GALNT14: variants seen among roughly 807,000 people sequenced by gnomAD.
GALNT14 encodes the protein polypeptide N-acetylgalactosaminyltransferase 14, also known as UDP-GalNAc:polypeptide N-acetylgalactosaminyltransferase 14.
Under a neutral mutation model 77.5 loss-of-function variants are expected in GALNT14, and 60 were observed. That is an observed-to-expected ratio of 0.77 (90% CI 0.63 to 0.96). The LOEUF is 0.96. GALNT14 is among the 40% of genes least tolerant of loss of function. The pLI, the probability that GALNT14 is intolerant of heterozygous loss-of-function variation, is 0.00. For synonymous variants in GALNT14, 280 were observed against 281.7 expected (o/e 0.99, Z 0.06); for missense variants, 710 against 731.0 (o/e 0.97, Z 0.33).
intron 13 of GALNT14, among the ~76,000 whole-genome samples, chr2:30,915,688 C>G (rs1181427478): frequency 3.8e-4 from 58 of 152,174 alleles, no homozygotes; most frequent in Non-Finnish European, 1.5e-4. Context: ...GAGTGCTGGG[C>G]CCTCTGCTGG....
chr2:31,112,321 AG>A (rs1447373084), intron 1 of GALNT14, among the ~76,000 whole-genome samples: 2 of 152,224 alleles, frequency 1.3e-5, no homozygotes, highest in Non-Finnish European at 1.5e-5. Context: ...CCTCCTGATC[AG>A]CTTGTGAGAC....
At chr2:31,114,983 A>C (rs1228190567) in intron 1 of GALNT14, among the ~76,000 whole-genome samples, 2 of 152,230 alleles carry the variant, frequency 1.3e-5, no homozygotes. Context: ...ACAGTGGCTC[A>C]TGCCTGTAAT....
chr2:31,022,791 T>C (rs1671802231), intron 1 of GALNT14, among the ~76,000 whole-genome samples: 1 of 152,212 alleles, frequency 6.6e-6, no homozygotes, highest in South Asian at 2.1e-4. Flanking sequence ...GACATATGAG[T>C]ATGCTGAAAT....
At chr2:31,087,352 G>C (rs1676481298) in intron 1 of GALNT14, among the ~76,000 whole-genome samples, 1 of 152,088 alleles carries the variant, frequency 6.6e-6, no homozygotes, top group African/African-American at 2.4e-5. Flanking sequence ...TATAAGAGGA[G>C]GCTAAAATTC....
Position 30,910,866 on chromosome 2 carries a change from C to T in GALNT14, c.*35G>A, listed in dbSNP as rs775870653. 2 of 1,606,862 alleles carry T rather than the reference C, an allele frequency of 1.2e-6. No homozygotes were observed. The highest frequency in any genetic ancestry group is 1.1e-5 in the South Asian group (1 of 90,248). ...AGTCTGTTCTGGTCCAGGGAAGCACCACCCCATGGCCCTTGCTGCTTCTGG... is the reference window on the plus strand; with the variant it reads ...AGTCTGTTCTGGTCCAGGGAAGCACTACCCCATGGCCCTTGCTGCTTCTGG... On this transcript the variant is annotated 3_prime_UTR_variant, in exon 15 of 15. Coordinates refer to ENST00000349752, the MANE Select transcript of GALNT14 (RefSeq NM_024572.4).
At chr2:30,952,403 A>G (rs1180538664) in intron 6 of GALNT14, among the ~76,000 whole-genome samples, 2 of 151,728 alleles carry the variant, frequency 1.3e-5, no homozygotes. Context: ...AATGTGGCAC[A>G]TATACACCAT....
chr2:30,909,664 G>C (rs1175088673), downstream of GALNT14, among the ~76,000 whole-genome samples: 4 of 151,874 alleles, frequency 2.6e-5, no homozygotes, highest in East Asian at 5.8e-4. Context: ...ATTCCTCAGG[G>C]ATCTAGAACT....
chr2:30,897,535 G>A, the GALNT14 span, among the ~76,000 whole-genome samples: 8 of 152,328 alleles, frequency 5.3e-5, no homozygotes, highest in Admixed American at 4.6e-4. Context: ...TGGAGCTGGC[G>A]ATATTCCCTA....
intron 13 of GALNT14, among the ~76,000 whole-genome samples, chr2:30,922,821 C>T (rs910284950): frequency 6.6e-6 from 1 of 152,198 alleles, no homozygotes; most frequent in African/African-American, 2.4e-5. Flanking sequence ...ATCTCTGCAT[C>T]TTCATAGTTA....
At chr2:30,976,902 C>T (rs148753058) in intron 2 of GALNT14, among the ~76,000 whole-genome samples, 100 of 152,184 alleles carry the variant, frequency 6.6e-4, no homozygotes, top group African/African-American at 2.3e-3. Context: ...GAGGTGGGTG[C>T]TGCAATTCCT....
At chr2:30,989,090 C>T (rs879679407) in intron 2 of GALNT14, among the ~76,000 whole-genome samples, 1 of 152,186 alleles carries the variant, frequency 6.6e-6, no homozygotes, top group Admixed American at 6.6e-5. Context: ...TTACCTAGAG[C>T]AGTGGTTCTT....
chr2:31,130,783 T>TGTGCGCGCGCGCGC (rs1181788023), intron 1 of GALNT14, among the ~76,000 whole-genome samples: 1 of 118,634 alleles, frequency 8.4e-6, no homozygotes, highest in African/African-American at 3.7e-5. Flanking sequence ...TGTGTGTGTG[T>TGTGCGCGCGCGCGC]GCGCGCGCAC....
At chr2:31,015,524 T>G (rs1230578520) in intron 1 of GALNT14, among the ~76,000 whole-genome samples, 1 of 152,218 alleles carries the variant, frequency 6.6e-6, no homozygotes, top group Non-Finnish European at 1.5e-5. Context: ...AGTCTCAAAG[T>G]ACATCCTCCA....
At chr2:31,020,055 C>T (rs1490551151) in intron 1 of GALNT14, among the ~76,000 whole-genome samples, 1 of 152,170 alleles carries the variant, frequency 6.6e-6, no homozygotes, top group East Asian at 1.9e-4. Flanking sequence ...TGGCCAGCCC[C>T]TTCCCCAGCA....
At chr2:31,008,867 G>C (rs568517016) in intron 1 of GALNT14, among the ~76,000 whole-genome samples, 133 of 152,304 alleles carry the variant, frequency 8.7e-4, no homozygotes, top group African/African-American at 3.0e-3. Context: ...GCTGGGGGAG[G>C]CGGCTCCCTG....
intron 9 of GALNT14, among the ~76,000 whole-genome samples, chr2:30,938,382 ACACTCT>A (rs1462500228): frequency 1.0e-4 from 15 of 143,584 alleles, no homozygotes; most frequent in African/African-American, 2.6e-4. Context: ...ACACACACAC[ACACTCT>A]CTCTCTCTCT....
At chr2:31,031,174 A>G (rs1209568384) in intron 1 of GALNT14, among the ~76,000 whole-genome samples, 4 of 152,174 alleles carry the variant, frequency 2.6e-5, no homozygotes, top group Non-Finnish European at 5.9e-5. Context: ...ATCAAGTCCT[A>G]TTTGGATGCC....
intron 2 of GALNT14, among the ~76,000 whole-genome samples, chr2:30,989,658 ATAT>A (rs1476821823): frequency 7.5e-6 from 1 of 133,672 alleles, no homozygotes; most frequent in African/African-American, 2.8e-5. Flanking sequence ...ATATATTAAA[ATAT>A]ATATATTAGT....
chr2:31,048,184 A>ACCCTT (rs1673599130), intron 1 of GALNT14, among the ~76,000 whole-genome samples: 1 of 152,166 alleles, frequency 6.6e-6, no homozygotes, highest in Non-Finnish European at 1.5e-5. Flanking sequence ...GTCAGGGATA[A>ACCCTT]CCCCATCACC....
Sources: allele counts gnomAD v4.1 joint callset (sites outside exome capture counted in the v4.1 genomes callset), GRCh38; gene constraint gnomAD v4.1.1; transcripts MANE v1.5; gene names NCBI Gene and HGNC (gene_info 2026-07-23, HGNC 2026-07-21).